The following SEMA5B variants were observed in gnomAD, a reference collection of about 807,000 sequenced individuals.
SEMA5B encodes semaphorin 5B.
In SEMA5B, 66 loss-of-function variants were observed where a neutral mutation model predicts 135.0. That is an observed-to-expected ratio of 0.49 (90% confidence interval 0.40 to 0.60). The LOEUF is 0.60. Among genes scored for constraint, SEMA5B ranks in the 20% least tolerant of loss-of-function variants. The pLI is 0.00. For synonymous variants in SEMA5B, 690 were observed against 639.5 expected (o/e 1.08, Z -1.19); for missense variants, 1,501 against 1,566.3 (o/e 0.96, Z 0.70).
At chr3:123,019,894 A>C (rs2107825696) in intron 1 of SEMA5B, among the ~76,000 whole-genome samples, 1 of 152,334 alleles carries the variant, frequency 6.6e-6, no homozygotes, top group African/African-American at 2.4e-5. Context: ...AGAGCCTAGG[A>C]CCAAGGCTAG....
At chr3:123,012,757 C>T (rs1272162221) in intron 1 of SEMA5B, among the ~76,000 whole-genome samples, 2 of 152,186 alleles carry the variant, frequency 1.3e-5, no homozygotes, top group East Asian at 3.9e-4. Flanking sequence ...CACTACCTTC[C>T]CCCCTCCTCT....
intron 5 of SEMA5B, among the ~76,000 whole-genome samples, chr3:122,938,587 T>C (rs895251299): frequency 1.3e-5 from 2 of 152,224 alleles, no homozygotes; most frequent in Non-Finnish European, 2.9e-5. Flanking sequence ...GGTTAGTCAC[T>C]CATCATGTTT....
At chr3:122,923,837 C>T (rs1938494701) in intron 9 of SEMA5B, 85 bp from the exon 10 acceptor site, 2 of 1,490,210 alleles carry the variant, frequency 1.3e-6, no homozygotes, top group South Asian at 2.3e-5. Flanking sequence ...CTGTCATGTC[C>T]AATTCCCAAG....
At chr3:122,926,740 G>T in intron 8 of SEMA5B, 63 bp from the exon 9 acceptor site, 1 of 1,568,380 alleles carries the variant, frequency 6.4e-7, no homozygotes, top group South Asian at 1.2e-5. Context: ...TGGCAGAGTC[G>T]GGAGGACTCA....
At chr3:122,911,093 A>T in intron 21 of SEMA5B, 48 bp from the exon 22 acceptor site, 2 of 1,481,270 alleles carry the variant, frequency 1.4e-6, no homozygotes, top group Non-Finnish European at 1.9e-6. Context: ...TGTGAAGAGG[A>T]CAGACTCCTG....
intron 16 of SEMA5B, 50 bp from the exon 17 acceptor site, chr3:122,913,474 G>T (rs777559222): frequency 1.5e-5 from 24 of 1,566,724 alleles, no homozygotes; most frequent in Non-Finnish European, 2.1e-5. Context: ...CTCCAGGCCC[G>T]CCCTCCCCTC....
intron 1 of SEMA5B, among the ~76,000 whole-genome samples, chr3:122,964,405 C>T (rs937136268): frequency 2.6e-5 from 4 of 152,196 alleles, no homozygotes; most frequent in African/African-American, 9.7e-5. Flanking sequence ...GCTCTACTTT[C>T]CACCAGCTAA....
chr3:123,012,420 A>G (rs1942457626), intron 1 of SEMA5B, among the ~76,000 whole-genome samples: 1 of 152,098 alleles, frequency 6.6e-6, no homozygotes, highest in African/African-American at 2.4e-5. Context: ...TCCTAGGTTA[A>G]GAAGATTTCC....
At chr3:122,966,535 G>GT (rs1032284982) in intron 1 of SEMA5B, among the ~76,000 whole-genome samples, 42 of 105,232 alleles carry the variant, frequency 4.0e-4, no homozygotes, top group African/African-American at 1.8e-3. Flanking sequence ...TTGTAAGAAT[G>GT]TTTATTATTA....
chr3:122,999,266 G>A (rs1484838786), intron 1 of SEMA5B, among the ~76,000 whole-genome samples: 1 of 151,958 alleles, frequency 6.6e-6, no homozygotes, highest in Non-Finnish European at 1.5e-5. Flanking sequence ...CACTCTTGTC[G>A]CCCAGGCAAG....
chr3:123,017,209 T>C (rs1942583677), intron 1 of SEMA5B, among the ~76,000 whole-genome samples: 1 of 152,054 alleles, frequency 6.6e-6, no homozygotes, highest in Non-Finnish European at 1.5e-5. Context: ...TTTAAAAATA[T>C]TTTCAATCCA....
In SEMA5B at chr3:122,976,204, A is replaced by G; in HGVS notation, c.-38-14903T>C. 3.4e-6 allele frequency: 5 copies of G among 1,485,152 alleles called. No individual in the cohort carries two copies. The South Asian group carries it at 6.5e-5, about 19-fold the overall frequency. 92.0% of individuals were successfully genotyped at this position (1,485,152 alleles called of 1,614,324 possible). A position where few individuals can be genotyped will look rare whatever the true frequency, so the allele number is the denominator to read the frequency against. On this transcript the variant is annotated intron_variant, in intron 1 of 22. Coordinates refer to ENST00000357599, the MANE Select transcript of SEMA5B (RefSeq NM_001031702.4). ...GAAGTGCTTCTCAAAATGTGCTCCT[A>G]GGACCAGCAGCATCTGCACCTCCTG... is the stretch of plus-strand genomic sequence containing the variant.
intron 2 of SEMA5B, among the ~76,000 whole-genome samples, chr3:122,953,946 T>C (rs1940168803): frequency 6.6e-6 from 1 of 152,200 alleles, no homozygotes; most frequent in Admixed American, 6.5e-5. Context: ...AAACAGACAA[T>C]TCAGGTCTCT....
At chr3:122,975,613 G>C (rs1159801800) in intron 1 of SEMA5B, among the ~76,000 whole-genome samples, 7 of 152,156 alleles carry the variant, frequency 4.6e-5, no homozygotes, top group Admixed American at 1.3e-4. Context: ...GCACTGTCTG[G>C]CACCTAGAAA....
intron 5 of SEMA5B, among the ~76,000 whole-genome samples, chr3:122,938,856 C>A (rs937429608): frequency 2.2e-4 from 33 of 152,232 alleles, no homozygotes; most frequent in Non-Finnish European, 4.4e-5. Context: ...CCCATTAAAA[C>A]GCCTCTCAGA....
intron 1 of SEMA5B, among the ~76,000 whole-genome samples, chr3:123,007,528 G>C (rs930083295): frequency 3.9e-5 from 6 of 152,284 alleles, no homozygotes; most frequent in Middle Eastern, 6.8e-3. Context: ...CCTTTGAGAG[G>C]TGATTGGATC....
chr3:123,010,611 C>A (rs542617627), intron 1 of SEMA5B, among the ~76,000 whole-genome samples: 9 of 152,108 alleles, frequency 5.9e-5, no homozygotes, highest in African/African-American at 2.2e-4. Context: ...GACATGGAGA[C>A]CTTCCTGGCC....
At position 122,922,140 on chromosome 3, in the gene SEMA5B, C is replaced by A. The variant is rs909863658; in HGVS notation, c.1481-18G>T. 3 of 1,530,572 alleles carry A rather than the reference C, an allele frequency of 2.0e-6. No individual in the cohort carries two copies. Among genetic ancestry groups the A allele is most frequent in the African/African-American group, 2.7e-5 (2 of 73,670 alleles). 94.8% of individuals were successfully genotyped at this position (1,530,572 alleles called of 1,614,324 possible). A position where few individuals can be genotyped will look rare whatever the true frequency, so the allele number is the denominator to read the frequency against. On this transcript the variant is annotated intron_variant, in intron 11 of 22. Transcript: ENST00000357599. Reference sequence around the variant, plus strand: ...GCCCGACTCTGGAGGAGAGGGGGAGCCAGACCAAGGTGGCCTTGAAGGCCC... The same window carrying A: ...GCCCGACTCTGGAGGAGAGGGGGAGACAGACCAAGGTGGCCTTGAAGGCCC...
At chr3:122,957,591 G>T (rs1291229198) in intron 2 of SEMA5B, among the ~76,000 whole-genome samples, 2 of 152,236 alleles carry the variant, frequency 1.3e-5, no homozygotes, top group Non-Finnish European at 2.9e-5. Flanking sequence ...AAAGATGGGG[G>T]CTTGAGTACA....
Sources: gnomAD v4.1 joint callset for allele counts (sites outside exome capture counted in the v4.1 genomes callset) on GRCh38, gnomAD v4.1.1 for gene constraint, MANE v1.5 for transcripts, NCBI Gene and HGNC (gene_info 2026-07-23, HGNC 2026-07-21) for gene names.